The following RFX4 variants were observed in gnomAD, a reference collection of about 807,000 sequenced individuals.
RFX4 encodes regulatory factor X4.
Under a neutral mutation model 95.0 loss-of-function variants are expected in RFX4, and 10 were observed. The ratio of observed to expected loss-of-function variants is 0.11; its 90% CI spans 0.06 to 0.18. RFX4 has a LOEUF of 0.18. Among genes scored for constraint, RFX4 ranks in the 10% least tolerant of loss-of-function variants. The probability of loss-of-function intolerance (pLI) is 1.00; values close to 1 mark genes in which losing one functional copy is unlikely to be tolerated. For synonymous variants in RFX4, 321 were observed against 340.7 expected (o/e 0.94, Z 0.64); for missense variants, 640 against 922.0 (o/e 0.69, Z 3.96).
intron 1 of RFX4, among the ~76,000 whole-genome samples, chr12:106,593,619 C>A (rs2039577215): frequency 6.6e-6 from 1 of 152,138 alleles, no homozygotes; most frequent in African/African-American, 2.4e-5. Context: ...GAATCTTGGC[C>A]ATCAAATCAT....
At chr12:106,616,921 C>T (rs1295298642) in intron 2 of RFX4, among the ~76,000 whole-genome samples, 3 of 151,552 alleles carry the variant, frequency 2.0e-5, no homozygotes, top group Admixed American at 6.6e-5. Context: ...CCACCATGCC[C>T]GGCTAATTTT....
intron 3 of RFX4, among the ~76,000 whole-genome samples, chr12:106,648,626 G>GGT (rs1156864389): frequency 5.6e-5 from 7 of 124,928 alleles, no homozygotes; most frequent in Admixed American, 3.2e-4. Context: ...ATCCTGTGGG[G>GGT]TTTTTTTTTT....
At chr12:106,592,815 C>T (rs4964472) in intron 1 of RFX4, among the ~76,000 whole-genome samples, 109,083 of 152,062 alleles carry the variant, frequency 0.72, 39,447 homozygotes, top group East Asian at 0.96. Flanking sequence ...ATATTTTTAA[C>T]GTGAGGATAA....
At chr12:106,666,231 A>C (rs2137352959) in intron 4 of RFX4, among the ~76,000 whole-genome samples, 1 of 152,118 alleles carries the variant, frequency 6.6e-6, no homozygotes, top group East Asian at 1.9e-4. Context: ...ATGATTTCCA[A>C]GCAGAAGTCA....
At chr12:106,615,219 G>T (rs554617364) in intron 2 of RFX4, among the ~76,000 whole-genome samples, 2 of 152,112 alleles carry the variant, frequency 1.3e-5, no homozygotes, top group African/African-American at 2.4e-5. Flanking sequence ...GATAGAGCAC[G>T]ATTTCTTGAA....
rs536642875 is a variant in RFX4, at chr12:106,658,446, G to A, written c.315+4095G>A. 1.1e-4 allele frequency among the ~76,000 whole-genome samples: 16 copies of A among 152,278 alleles called. No individual in the cohort carries two copies. The East Asian group carries it at 2.9e-3, about 28-fold the overall frequency. ...CATCAGTCTTGGCTGAATAATTACA[G>A]CTCATTCTCAGCTATTAAAAAGTGT... On this transcript the variant is annotated intron_variant, in intron 4 of 17. Transcript: ENST00000392842.
intron 17 of RFX4, among the ~76,000 whole-genome samples, chr12:106,758,221 C>CT (rs2043144995): frequency 6.6e-6 from 1 of 152,116 alleles, no homozygotes; most frequent in African/African-American, 2.4e-5. Context: ...TCCCACCAGA[C>CT]TAAATAGAAG....
chr12:106,669,707 G>GA (rs150682284), intron 4 of RFX4, among the ~76,000 whole-genome samples: 32,331 of 149,812 alleles, frequency 0.22, 3,641 homozygotes, highest in South Asian at 0.28. Flanking sequence ...GTTCTCAAAG[G>GA]AAAAAAAAAT....
In RFX4 at chr12:106,711,525, A is replaced by G. The variant is rs1486252006; in HGVS notation, c.993+14A>G. ...CATCTCTGCCAGGTAGCTGTCCTCC[A>G]TTATGTGTTTTAATCACTGCTGAGT... On this transcript the variant is annotated intron_variant, in intron 10 of 17. Coordinates refer to ENST00000392842, the MANE Select transcript of RFX4 (RefSeq NM_213594.3). 5 of 1,613,390 alleles carry G rather than the reference A, an allele frequency of 3.1e-6. No individual in the cohort carries two copies. Among genetic ancestry groups the G allele is most frequent in the Admixed American group, 1.7e-5 (1 of 60,020 alleles).
chr12:106,751,242 C>T (rs2042999254), intron 17 of RFX4, among the ~76,000 whole-genome samples: 1 of 150,918 alleles, frequency 6.6e-6, no homozygotes, highest in African/African-American at 2.4e-5. Context: ...CAATTTCATC[C>T]ATGTCCCTAC....
intron 1 of RFX4, among the ~76,000 whole-genome samples, chr12:106,600,062 C>A (rs902479401): frequency 6.6e-6 from 1 of 152,154 alleles, no homozygotes; most frequent in Admixed American, 6.5e-5. Flanking sequence ...AATCTAGACT[C>A]CTTAACCCAG....
intron 15 of RFX4, among the ~76,000 whole-genome samples, chr12:106,736,546 T>C (rs1034137390): frequency 1.3e-5 from 2 of 152,198 alleles, no homozygotes. Flanking sequence ...TTAAAAGCCC[T>C]GGCCTGAAGG....
In RFX4 at chr12:106,601,294, C is replaced by A. The variant is rs752644745; in HGVS notation, c.44-7503C>A. ...GAGACAGAATGATCAAAAGGAGAGCCCACCCTGGTGCGGGAGGCGACAGGA... is the reference window on the plus strand; with the variant it reads ...GAGACAGAATGATCAAAAGGAGAGCACACCCTGGTGCGGGAGGCGACAGGA... On this transcript the variant is annotated intron_variant, in intron 1 of 17. Coordinates refer to ENST00000392842, the MANE Select transcript of RFX4 (RefSeq NM_213594.3). 7 of 1,594,052 alleles carry A rather than the reference C, an allele frequency of 4.4e-6. No homozygotes were observed. In the East Asian group the frequency reaches 1.6e-4, roughly 36 times the overall value.
At chr12:106,672,763 T>TAA (rs58826004) in intron 4 of RFX4, among the ~76,000 whole-genome samples, 14,449 of 130,718 alleles carry the variant, frequency 0.11, 883 homozygotes, top group Middle Eastern at 0.16. Context: ...AAGAAACACT[T>TAA]AAAAAAAAAA....
chr12:106,652,837 C>T (rs889337597), intron 3 of RFX4, among the ~76,000 whole-genome samples: 16 of 152,278 alleles, frequency 1.1e-4, no homozygotes, highest in Admixed American at 3.9e-4. Context: ...CTTACGACAG[C>T]GCTGGGCCAC....
intron 4 of RFX4, among the ~76,000 whole-genome samples, chr12:106,668,611 G>T (rs530860402): frequency 6.6e-6 from 1 of 152,186 alleles, no homozygotes; most frequent in Non-Finnish European, 1.5e-5. Context: ...TATTTACCTT[G>T]GACTAAGGAT....
chr12:106,692,357 T>G (rs2041801071), intron 7 of RFX4, among the ~76,000 whole-genome samples: 1 of 152,158 alleles, frequency 6.6e-6, no homozygotes, highest in African/African-American at 2.4e-5. Context: ...ATAATAATTA[T>G]ACCTATCTCA....
Position 106,583,104 on chromosome 12 carries a change from C to G in RFX4, c.-217C>G. ...CCCCCTTCTCCGAGCTCGCTCCCTT[C>G]TCTCCCTCTCTCTCCTCTTTTCTTC... On this transcript the variant is annotated 5_prime_UTR_variant, in exon 1 of 18. Coordinates refer to ENST00000392842, the MANE Select transcript of RFX4 (RefSeq NM_213594.3). The G allele has an allele frequency of 4.6e-6, 2 of 435,464 alleles. No individual in the cohort carries two copies. Among genetic ancestry groups the G allele is most frequent in the Non-Finnish European group, 7.9e-6 (2 of 251,858 alleles). The allele number at this position is 435,464 out of a possible 1,614,324, so 27.0% of individuals were successfully genotyped here.
chr12:106,750,055 C>A (rs1223839064), intron 16 of RFX4, among the ~76,000 whole-genome samples: 5 of 152,160 alleles, frequency 3.3e-5, no homozygotes, highest in Non-Finnish European at 7.4e-5. Context: ...TGGCTCAGGG[C>A]TAGATTTCAT....
Sources: gnomAD v4.1 joint callset for allele counts (sites outside exome capture counted in the v4.1 genomes callset) on GRCh38, gnomAD v4.1.1 for gene constraint, MANE v1.5 for transcripts, NCBI Gene and HGNC (gene_info 2026-07-23, HGNC 2026-07-21) for gene names.